The following DCAF8 variants were observed in gnomAD, a reference collection of about 807,000 sequenced individuals.
DCAF8 encodes the protein DDB1 and CUL4 associated factor 8, also known as DDB1- and CUL4-associated factor 8.
In DCAF8, 20 loss-of-function variants were observed where a neutral mutation model predicts 68.0. That is an observed-to-expected ratio of 0.29 (90% confidence interval 0.21 to 0.43). The LOEUF is 0.43. Ranked by LOEUF, DCAF8 falls within the 20% of genes least tolerant of loss-of-function variation. The pLI is 1.00. For missense variants in DCAF8, 460 were observed against 771.0 expected, an observed-to-expected ratio of 0.60 and a Z score of 4.78; for synonymous variants, 230 against 276.9, an observed-to-expected ratio of 0.83 and a Z score of 1.68.
intron 2 of DCAF8, among the ~76,000 whole-genome samples, chr1:160,244,847 G>C (rs1260867067): frequency 6.6e-6 from 1 of 152,008 alleles, no homozygotes; most frequent in Non-Finnish European, 1.5e-5. Flanking sequence ...TCTCCCGAGT[G>C]ATCCGCCCGC....
intron 6 of DCAF8, among the ~76,000 whole-genome samples, chr1:160,233,971 A>C (rs1195017674): frequency 6.6e-6 from 1 of 152,204 alleles, no homozygotes; most frequent in Non-Finnish European, 1.5e-5. Flanking sequence ...AGTATGTCCC[A>C]GCAAAAAGGG....
intron 11 of DCAF8, among the ~76,000 whole-genome samples, chr1:160,221,506 AC>A (rs964045158): frequency 2.6e-5 from 4 of 152,128 alleles, no homozygotes; most frequent in Non-Finnish European, 5.9e-5. Flanking sequence ...AATTTGAAAT[AC>A]CCTTTCACCA....
At chr1:160,257,593 G>A (rs77035081) in intron 2 of DCAF8, among the ~76,000 whole-genome samples, 3,801 of 152,274 alleles carry the variant, frequency 0.025, 49 homozygotes, top group Middle Eastern at 0.037. Context: ...GAATCTGTTT[G>A]CTTTTAAAAT....
At chr1:160,250,359 G>C (rs1246053615) in intron 2 of DCAF8, among the ~76,000 whole-genome samples, 1 of 151,654 alleles carries the variant, frequency 6.6e-6, no homozygotes, top group Non-Finnish European at 1.5e-5. Context: ...CCAGCTACTC[G>C]GGAGGCTGAG....
chr1:160,260,130 G>C (rs918847116), intron 2 of DCAF8, among the ~76,000 whole-genome samples: 1 of 151,222 alleles, frequency 6.6e-6, no homozygotes, highest in Non-Finnish European at 1.5e-5. Flanking sequence ...TGTGTACCAC[G>C]TGTTCTTAGA....
chr1:160,259,160 C>T (rs1449924676), intron 2 of DCAF8, among the ~76,000 whole-genome samples: 1 of 152,116 alleles, frequency 6.6e-6, no homozygotes, highest in African/African-American at 2.4e-5. Flanking sequence ...CAAAAAGATA[C>T]GAAAGAAAAG....
At chr1:160,260,032 T>C (rs1316184013) in intron 2 of DCAF8, among the ~76,000 whole-genome samples, 2 of 149,414 alleles carry the variant, frequency 1.3e-5, no homozygotes, top group Non-Finnish European at 3.0e-5. Context: ...AGGCAAAATG[T>C]AAAAGAAGCA....
chr1:160,218,038 G>A, intron 13 of DCAF8: 1 of 505,876 alleles, frequency 2.0e-6, no homozygotes, highest in Non-Finnish European at 3.5e-6. Flanking sequence ...AAATAGAAGG[G>A]TCACACTGAG....
At position 160,239,838 on chromosome 1, in the gene DCAF8, A is replaced by G; in HGVS notation, c.582T>C (p.Gly194=). 1 of 1,614,244 alleles carries G rather than the reference A, an allele frequency of 6.2e-7. No individual in the cohort carries two copies. Among genetic ancestry groups the G allele is most frequent in the Non-Finnish European group, 8.5e-7 (1 of 1,180,048 alleles). The part of the protein sequence containing the change: ...RLQHGLEGHT[G]CVNTLHFNQR... ...GGTTAAAGTGCAGGGTATTGACACAACCAGTATGGCCCTCAAGCCCATGCT... is the reference window on the plus strand; with the variant it reads ...GGTTAAAGTGCAGGGTATTGACACAGCCAGTATGGCCCTCAAGCCCATGCT... The change falls in exon 4 of 14, where the codon GGT becomes GGC. Residue 194 remains glycine, a synonymous_variant. Transcript: ENST00000368074.
chr1:160,226,160 C>T (rs1297043116), intron 7 of DCAF8, among the ~76,000 whole-genome samples: 1 of 152,162 alleles, frequency 6.6e-6, no homozygotes, highest in Non-Finnish European at 1.5e-5. Context: ...ATATCACATA[C>T]TGCTACTTTT....
chr1:160,238,017 T>C (rs975873114), intron 5 of DCAF8, among the ~76,000 whole-genome samples: 1 of 152,176 alleles, frequency 6.6e-6, no homozygotes, highest in African/African-American at 2.4e-5. Flanking sequence ...CCGCCTTGGC[T>C]AGAAAAGGAT....
At chr1:160,222,819 TGG>T in intron 10 of DCAF8, 38 bp from the exon 11 acceptor site, 1 of 1,613,872 alleles carries the variant, frequency 6.2e-7, no homozygotes, top group South Asian at 1.1e-5. Flanking sequence ...ACATGAGGGT[TGG>T]CATCAGGCCT....
chr1:160,248,913 C>T (rs905455485), intron 2 of DCAF8, among the ~76,000 whole-genome samples: 27 of 150,110 alleles, frequency 1.8e-4, no homozygotes, highest in East Asian at 9.9e-4. Context: ...AAAAAGAGGG[C>T]GGGTGTGGTG....
chr1:160,241,760 C>G lies in DCAF8; in HGVS notation c.50-1390G>C, dbSNP rs79040838. Reference sequence around the variant, plus strand: ...GGCAGACCATCCAGTATGAGCTATTCAACTCCAATACCACACTGATGTTTA... The same window carrying G: ...GGCAGACCATCCAGTATGAGCTATTGAACTCCAATACCACACTGATGTTTA... On this transcript the variant is annotated intron_variant, in intron 3 of 13. Coordinates refer to ENST00000368074, the MANE Select transcript of DCAF8 (RefSeq NM_015726.4). Among the ~76,000 whole-genome samples the G allele has an allele frequency of 5.2e-3, 798 of 152,316 alleles. 22 individuals are homozygous for G. The highest frequency in any genetic ancestry group is 0.051 in the East Asian group (266 of 5,190).
intron 9 of DCAF8, 74 bp downstream of exon 9, chr1:160,224,988 C>T: frequency 6.9e-7 from 1 of 1,438,918 alleles, no homozygotes; most frequent in Non-Finnish European, 9.8e-7. Flanking sequence ...CTGGAGGGCA[C>T]ATGCCTCACT....
At position 160,237,151 on chromosome 1, in the gene DCAF8, G is replaced by C; in HGVS notation, c.943C>G (p.Gln315Glu). 6.4e-7 allele frequency: 1 copy of C among 1,570,176 alleles called. No homozygotes were observed. Among genetic ancestry groups the C allele is most frequent in the Non-Finnish European group, 8.7e-7 (1 of 1,155,200 alleles). The change falls in exon 6 of 14, where the codon CAA becomes GAA. Residue 315 changes from glutamine to glutamate, a missense_variant. Gln to Glu is a conservative substitution (Grantham distance 29). Coordinates refer to ENST00000368074, the MANE Select transcript of DCAF8 (RefSeq NM_015726.4). ...DAVVFTIDLR[Q>E]DRPASKLVVT... ...TACACTTACGACGCTGGGCGGTCTT[G>C]TCTCAGGTCAATGGTGAAAACAACT...
chr1:160,222,560 T>C, intron 11 of DCAF8, 91 bp downstream of exon 11: 3 of 1,526,932 alleles, frequency 2.0e-6, no homozygotes, highest in Non-Finnish European at 2.7e-6. Context: ...TGGTATCATG[T>C]AGTCACAGTG....
In DCAF8 at chr1:160,262,467, C is replaced by G. The variant is rs1306951710; in HGVS notation, c.-119G>C. On this transcript the variant is annotated 5_prime_UTR_variant, in exon 1 of 14. Coordinates refer to ENST00000368074, the MANE Select transcript of DCAF8 (RefSeq NM_015726.4). ...ATCTTACACTGGCCAGCGGCCGCCA[C>G]CACCACCGCCTCCGCTCTCTGCGCT... is the stretch of plus-strand genomic sequence containing the variant. 2.5e-6 allele frequency: 1 copy of G among 401,358 alleles called. No homozygotes were observed. Among genetic ancestry groups the G allele is most frequent in the Non-Finnish European group, 4.4e-6 (1 of 227,936 alleles). 24.9% of individuals were successfully genotyped at this position (401,358 alleles called of 1,614,324 possible).
chr1:160,252,231 T>C (rs1656626247), intron 2 of DCAF8, among the ~76,000 whole-genome samples: 1 of 152,200 alleles, frequency 6.6e-6, no homozygotes, highest in Admixed American at 6.5e-5. Context: ...TGTAGCCAAT[T>C]AATCAATTAG....
Sources: gnomAD v4.1 joint callset for allele counts (sites outside exome capture counted in the v4.1 genomes callset) on GRCh38, gnomAD v4.1.1 for gene constraint, MANE v1.5 for transcripts, NCBI Gene and HGNC (gene_info 2026-07-23, HGNC 2026-07-21) for gene names.